Variants in FRMPD4 observed in about 807,000 individuals in gnomAD.
FRMPD4 encodes the protein FERM and PDZ domain-containing protein 4.
In FRMPD4, 22 loss-of-function variants were observed where a neutral mutation model predicts 94.1. The observed-to-expected ratio is 0.23, with a 90% CI of 0.17 to 0.33. The LOEUF (loss-of-function observed/expected upper bound fraction) is 0.33, where lower values mean the gene tolerates loss of function less well. Among genes scored for constraint, FRMPD4 ranks in the 10% least tolerant of loss-of-function variants. The probability of loss-of-function intolerance (pLI) is 1.00; values close to 1 mark genes in which losing one functional copy is unlikely to be tolerated. For synonymous variants in FRMPD4, 631 were observed against 548.6 expected, an observed-to-expected ratio of 1.15 and a Z score of -2.10; for missense variants, 1,111 against 1,339.9, an observed-to-expected ratio of 0.83 and a Z score of 2.67.
intron 1 of FRMPD4, among the ~76,000 whole-genome samples, chrX:12,285,533 TCAGG>T (rs1201738406): frequency 2.7e-5 from 3 of 111,151 alleles, no homozygotes; most frequent in African/African-American, 3.3e-5. Context: ...CTGGGGAAAC[TCAGG>T]CAGGTAATTT....
intron 2 of FRMPD4, among the ~76,000 whole-genome samples, chrX:12,607,770 A>G (rs2059144994): frequency 8.9e-6 from 1 of 112,414 alleles, no homozygotes; most frequent in South Asian, 3.7e-4. Context: ...CTCAACTAAC[A>G]CTTCTCTTTT....
chrX:11,849,861 G>A (rs757546432), intron 1 of FRMPD4, among the ~76,000 whole-genome samples: 1 of 111,021 alleles, frequency 9.0e-6, no homozygotes, highest in Non-Finnish European at 1.9e-5. Flanking sequence ...TCATGACTTT[G>A]GATTTGGCAA....
intron 5 of FRMPD4, among the ~76,000 whole-genome samples, chrX:12,676,664 G>T (rs1224667898): frequency 1.8e-5 from 2 of 112,341 alleles, no homozygotes; most frequent in Non-Finnish European, 3.8e-5. Context: ...GTTGTGTCTT[G>T]TGGCTTTACT....
intron 1 of FRMPD4, among the ~76,000 whole-genome samples, chrX:12,393,844 C>G (rs1204994914): frequency 8.9e-6 from 1 of 111,942 alleles, no homozygotes; most frequent in South Asian, 3.7e-4. Context: ...TACTCAGATG[C>G]ATTTTTAAAA....
chrX:11,884,864 T>A (rs1294893926), intron 3 of FRMPD4, among the ~76,000 whole-genome samples: 1 of 111,946 alleles, frequency 8.9e-6, no homozygotes, highest in East Asian at 2.8e-4. Flanking sequence ...ATCAGGGATG[T>A]CTATCATGTG....
intron 1 of FRMPD4, among the ~76,000 whole-genome samples, chrX:12,413,558 G>C (rs773871688): frequency 8.9e-5 from 10 of 112,149 alleles, no homozygotes; most frequent in Non-Finnish European, 1.9e-4. Context: ...TCTGGTTTGA[G>C]AGCCTGCATT....
chrX:12,308,640 G>C (rs974357658), intron 1 of FRMPD4, among the ~76,000 whole-genome samples: 1 of 111,382 alleles, frequency 9.0e-6, no homozygotes, highest in African/African-American at 3.3e-5. Flanking sequence ...GACACTGTAG[G>C]GGGGTGGATG....
intron 2 of FRMPD4, among the ~76,000 whole-genome samples, chrX:12,514,659 T>C (rs923485243): frequency 8.9e-6 from 1 of 111,934 alleles, no homozygotes; most frequent in African/African-American, 3.3e-5. Context: ...TCAGGGATAT[T>C]GGCCTGAAGT....
At chrX:12,680,232 G>C (rs1365472033) in intron 5 of FRMPD4, among the ~76,000 whole-genome samples, 1 of 112,053 alleles carries the variant, frequency 8.9e-6, no homozygotes, top group Admixed American at 9.4e-5. Flanking sequence ...TTAGGGGCCT[G>C]ATAATCTTAA....
At chrX:12,262,946 G>A (rs1012826684) in intron 1 of FRMPD4, among the ~76,000 whole-genome samples, 2 of 111,737 alleles carry the variant, frequency 1.8e-5, no homozygotes, top group African/African-American at 3.3e-5. Flanking sequence ...TGGCTAACAG[G>A]TACTGAAGGG....
chrX:11,854,081 A>G (rs2053640818), intron 1 of FRMPD4, among the ~76,000 whole-genome samples: 1 of 111,992 alleles, frequency 8.9e-6, no homozygotes, highest in African/African-American at 3.2e-5. Flanking sequence ...CAGGAAACTT[A>G]CAATCATGGC....
chrX:12,696,457 G>C (rs962989898), intron 9 of FRMPD4, among the ~76,000 whole-genome samples: 3 of 109,706 alleles, frequency 2.7e-5, no homozygotes, highest in Non-Finnish European at 3.8e-5. Context: ...TAAACAGTAA[G>C]AACCAACTGA....
At chrX:12,663,177 C>A (rs1047471777) in intron 4 of FRMPD4, among the ~76,000 whole-genome samples, 2 of 111,993 alleles carry the variant, frequency 1.8e-5, no homozygotes, top group African/African-American at 3.2e-5. Flanking sequence ...ATGATAGTTT[C>A]TTTTGCTGTG....
intron 3 of FRMPD4, among the ~76,000 whole-genome samples, chrX:12,084,112 C>T (rs1183830595): frequency 1.9e-5 from 2 of 105,149 alleles, no homozygotes; most frequent in Non-Finnish European, 3.9e-5. Context: ...TTGGCTGTGT[C>T]CCCACCCAAA....
At chrX:12,322,551 G>A (rs961790686) in intron 1 of FRMPD4, among the ~76,000 whole-genome samples, 2 of 110,015 alleles carry the variant, frequency 1.8e-5, no homozygotes, top group Non-Finnish European at 3.8e-5. Context: ...AAGGTAGCTG[G>A]GGCAAATTTG....
chrX:12,172,173 CTGTTGT>C (rs1326823264), intron 1 of FRMPD4, among the ~76,000 whole-genome samples: 1 of 108,408 alleles, frequency 9.2e-6, no homozygotes, highest in Non-Finnish European at 1.9e-5. Context: ...CCTTATTTTG[CTGTTGT>C]TGTTGTTGTT....
At chrX:12,013,465 G>A (rs993703306) in intron 3 of FRMPD4, among the ~76,000 whole-genome samples, 1 of 112,332 alleles carries the variant, frequency 8.9e-6, no homozygotes, top group Non-Finnish European at 1.9e-5. Flanking sequence ...AGGTTACCTT[G>A]TTTTGGCTGC....
intron 1 of FRMPD4, among the ~76,000 whole-genome samples, chrX:12,147,925 C>T (rs920558030): frequency 8.9e-6 from 1 of 111,820 alleles, no homozygotes; most frequent in African/African-American, 3.3e-5. Context: ...CTGTCATGAA[C>T]CACACATATA....
At position 12,716,061 on chromosome X, in the gene FRMPD4, C is replaced by G; in HGVS notation, c.1610-8C>G. 1.1e-6 allele frequency: 1 copy of G among 871,849 alleles called. No individual in the cohort carries two copies. The highest frequency in any genetic ancestry group is 1.5e-6 in the Non-Finnish European group (1 of 669,756). The allele number at this position is 871,849 out of a possible 1,213,427, so 71.9% of individuals were successfully genotyped here. Reference sequence around the variant, plus strand: ...GTAATGTGTCTTTGCGTGATTCTTTCTCTTTAGGACCTGAAAACAAGGGGA... The same window carrying G: ...GTAATGTGTCTTTGCGTGATTCTTTGTCTTTAGGACCTGAAAACAAGGGGA... On this transcript the variant is annotated splice_polypyrimidine_tract_variant and splice_region_variant and intron_variant, in intron 14 of 16. Coordinates refer to ENST00000675598, the MANE Select transcript of FRMPD4 (RefSeq NM_001368397.1).
Sources: allele counts gnomAD v4.1 joint callset (sites outside exome capture counted in the v4.1 genomes callset), GRCh38; gene constraint gnomAD v4.1.1; transcripts MANE v1.5; gene names NCBI Gene and HGNC (gene_info 2026-07-23, HGNC 2026-07-21).